Variants in ATP2B2 observed in about 807,000 individuals in gnomAD.
ATP2B2 encodes plasma membrane calcium-transporting ATPase 2.
A neutral mutation model predicts 120.0 loss-of-function variants in ATP2B2; 15 were observed. The observed-to-expected ratio is 0.12, with a 90% CI of 0.08 to 0.19. The LOEUF is 0.19. Among genes scored for constraint, ATP2B2 ranks in the 10% least tolerant of loss-of-function variants. The pLI, the probability that ATP2B2 is intolerant of heterozygous loss-of-function variation, is 1.00. For synonymous variants in ATP2B2, 694 were observed against 700.3 expected, an observed-to-expected ratio of 0.99 and a Z score of 0.14; for missense variants, 1,045 against 1,719.8, an observed-to-expected ratio of 0.61 and a Z score of 6.94.
At position 10,329,037 on chromosome 3, in the gene ATP2B2, T is replaced by C. The variant is rs753318972; in HGVS notation, c.3509A>G (p.His1170Arg). 1 of 1,613,768 alleles carries C rather than the reference T, an allele frequency of 6.2e-7. No homozygotes were observed. The highest frequency in any genetic ancestry group is 8.5e-7 in the Non-Finnish European group (1 of 1,179,798). ...SRTSIHNFMA[H>R]PEFRIEDSQP... ...GGAATCTTCGATCCGGAATTCAGGA[T>C]GAGCCATGAAGTTATGGATGGAGGT... Residue 1170 changes from histidine to arginine, a missense_variant, in exon 23 of 23, where the codon CAT (histidine) becomes CGT (arginine). This residue lies in a region of ATP2B2 where 211 missense variants were observed against 385.1 expected (regional missense o/e 0.55). Transcript: ENST00000360273. The surrounding 1 kb of genome is among the most constrained non-coding windows in gnomAD (Gnocchi z 5.9).
intron 5 of ATP2B2, among the ~76,000 whole-genome samples, chr3:10,398,450 T>C (rs1229399383): frequency 6.6e-6 from 1 of 152,172 alleles, no homozygotes; most frequent in Non-Finnish European, 1.5e-5. Context: ...CACCCCTTTC[T>C]CATCTCAGTG....
intron 1 of ATP2B2, among the ~76,000 whole-genome samples, chr3:10,645,150 G>T (rs1488945809): frequency 1.3e-5 from 2 of 152,138 alleles, no homozygotes; most frequent in African/African-American, 4.8e-5. Flanking sequence ...TAAAGCAAGT[G>T]GGGTAAAATG....
chr3:10,399,940 C>G (rs67116852), intron 5 of ATP2B2, among the ~76,000 whole-genome samples: 3 of 152,174 alleles, frequency 2.0e-5, no homozygotes, highest in African/African-American at 7.2e-5. Flanking sequence ...AGGCCTGAAT[C>G]CCCAAGGACA....
At chr3:10,608,440 A>C (rs1256695124) in intron 2 of ATP2B2, among the ~76,000 whole-genome samples, 1 of 152,088 alleles carries the variant, frequency 6.6e-6, no homozygotes, top group Non-Finnish European at 1.5e-5. Context: ...AAAAAATTAA[A>C]ATCTTCAGTG....
Position 10,336,174 on chromosome 3 carries a change from T to A in ATP2B2, c.3420+2002A>T, listed in dbSNP as rs779895323. On this transcript the variant is annotated intron_variant, in intron 22 of 22. Transcript: ENST00000360273. ...AGGCTGGTCGGAGAGGAAAGAGCAT[T>A]GGACAACGACACGCGACTAGGGCTA... is the stretch of plus-strand genomic sequence containing the variant. The A allele has an allele frequency of 1.0e-5, 16 of 1,550,470 alleles. No individual in the cohort carries two copies. Among genetic ancestry groups the A allele is most frequent in the Non-Finnish European group, 1.3e-5 (15 of 1,146,988 alleles).
chr3:10,501,190 G>C (rs954508653), intron 1 of ATP2B2, among the ~76,000 whole-genome samples: 3 of 152,112 alleles, frequency 2.0e-5, no homozygotes, highest in Non-Finnish European at 2.9e-5. Context: ...GGAACTCTCT[G>C]ACCCTGCAGA....
At position 10,338,284 on chromosome 3, in the gene ATP2B2, G is replaced by A. The variant is rs376285041; in HGVS notation, c.3312C>T (p.Ile1104=). The change falls in exon 22 of 23, where the codon ATC becomes ATT. Residue 1104 remains isoleucine, a synonymous_variant. Coordinates refer to ENST00000360273, the MANE Select transcript of ATP2B2 (RefSeq NM_001001331.4). ...CGTCCTCGTTGAGCTCCTCCTCCGGGATCTCCTCCTTCTGTGTGAGCCTGC... is the reference window on the plus strand; with the variant it reads ...CGTCCTCGTTGAGCTCCTCCTCCGGAATCTCCTCCTTCTGTGTGAGCCTGC... ...EAGRLTQKEE[I]PEEELNEDVE... 2.5e-6 allele frequency: 4 copies of A among 1,614,092 alleles called. No homozygotes were observed. Among genetic ancestry groups the A allele is most frequent in the Non-Finnish European group, 3.4e-6 (4 of 1,180,048 alleles).
At chr3:10,355,029 C>A (rs1179485254) in intron 14 of ATP2B2, among the ~76,000 whole-genome samples, 1 of 152,158 alleles carries the variant, frequency 6.6e-6, no homozygotes, top group Non-Finnish European at 1.5e-5. Flanking sequence ...ATAGTGGTTA[C>A]CTCTGAGGTG....
chr3:10,468,931 A>G (rs2064867823), intron 1 of ATP2B2, among the ~76,000 whole-genome samples: 1 of 152,282 alleles, frequency 6.6e-6, no homozygotes, highest in Non-Finnish European at 1.5e-5. Flanking sequence ...TTTGTGGATG[A>G]TGAAGCCGTT....
chr3:10,386,843 G>A (rs917749544), intron 6 of ATP2B2, among the ~76,000 whole-genome samples: 2 of 152,180 alleles, frequency 1.3e-5, no homozygotes, highest in African/African-American at 4.8e-5. Flanking sequence ...CATCTCACAG[G>A]AGTGCAGGTG....
intron 1 of ATP2B2, among the ~76,000 whole-genome samples, chr3:10,679,217 G>A (rs2071321691): frequency 1.3e-5 from 2 of 152,212 alleles, no homozygotes; most frequent in African/African-American, 4.8e-5. Context: ...GCACTATGGT[G>A]TATGGAAACT....
intron 1 of ATP2B2, among the ~76,000 whole-genome samples, chr3:10,481,648 G>A (rs1234860516): frequency 6.6e-6 from 1 of 152,164 alleles, no homozygotes; most frequent in Non-Finnish European, 1.5e-5. Flanking sequence ...CCACCTCCTG[G>A]GTTCAAGTGA....
intron 2 of ATP2B2, among the ~76,000 whole-genome samples, chr3:10,579,426 A>C (rs944319933): frequency 6.6e-6 from 1 of 152,160 alleles, no homozygotes; most frequent in African/African-American, 2.4e-5. Context: ...TAATCCCAGC[A>C]CTTTGGGAGG....
chr3:10,524,364 C>T (rs1433786288), intron 3 of ATP2B2, among the ~76,000 whole-genome samples: 3 of 152,318 alleles, frequency 2.0e-5, no homozygotes, highest in South Asian at 2.1e-4. Flanking sequence ...CTCATAGCCA[C>T]GTCCTGAGGC....
At chr3:10,492,306 G>A (rs1379611774) in intron 1 of ATP2B2, among the ~76,000 whole-genome samples, 1 of 152,136 alleles carries the variant, frequency 6.6e-6, no homozygotes, top group Non-Finnish European at 1.5e-5. Flanking sequence ...AGCTTGGCCT[G>A]CATGGGTCTA....
chr3:10,672,236 T>A (rs749810420), intron 1 of ATP2B2, among the ~76,000 whole-genome samples: 8 of 152,120 alleles, frequency 5.3e-5, no homozygotes, highest in Admixed American at 3.3e-4. Context: ...CTTTCCAACC[T>A]CCTGGCGCTC....
At chr3:10,468,427 C>T (rs949237725) in intron 1 of ATP2B2, among the ~76,000 whole-genome samples, 6 of 152,234 alleles carry the variant, frequency 3.9e-5, no homozygotes, top group African/African-American at 9.6e-5. Flanking sequence ...CTGTTAGGAA[C>T]GGCCCTGGGC....
intron 2 of ATP2B2, among the ~76,000 whole-genome samples, chr3:10,432,460 AAC>A (rs1453433913): frequency 1.2e-4 from 19 of 152,248 alleles, no homozygotes; most frequent in African/African-American, 4.6e-4. Context: ...TTCTAGATCA[AAC>A]AGTCAGCAGT....
intron 1 of ATP2B2, among the ~76,000 whole-genome samples, chr3:10,664,815 A>T (rs903364838): frequency 3.3e-5 from 5 of 152,172 alleles, no homozygotes; most frequent in African/African-American, 4.8e-5. Flanking sequence ...GGAAACATTG[A>T]TCTTTTTTTC....
Sources: allele counts gnomAD v4.1 joint callset (sites outside exome capture counted in the v4.1 genomes callset), GRCh38; gene constraint gnomAD v4.1.1; regional missense constraint gnomAD v4.1.1; non-coding constraint Gnocchi (gnomAD v3.1); transcripts MANE v1.5; gene names NCBI Gene and HGNC (gene_info 2026-07-23, HGNC 2026-07-21).